DYRK1B: variants seen among roughly 807,000 people sequenced by gnomAD.
DYRK1B encodes dual specificity tyrosine phosphorylation regulated kinase 1B.
DYRK1B carries 20 observed loss-of-function variants against 57.1 expected under a neutral mutation model. That is an observed-to-expected ratio of 0.35 (90% CI 0.25 to 0.51). The LOEUF (loss-of-function observed/expected upper bound fraction) is 0.51, where lower values mean the gene tolerates loss of function less well. DYRK1B is among the 20% of genes least tolerant of loss of function. The pLI is 0.96. For missense variants in DYRK1B, 732 were observed against 886.3 expected, an observed-to-expected ratio of 0.83 and a Z score of 2.21; for synonymous variants, 409 against 384.7, an observed-to-expected ratio of 1.06 and a Z score of -0.74.
chr19:39,827,059 AC>A, intron 8 of DYRK1B, 72 bp from the exon 9 acceptor site: 1 of 1,279,150 alleles, frequency 7.8e-7, no homozygotes, highest in Non-Finnish European at 1.0e-6. Context: ...GGAGACACAC[AC>A]GGGGAAACAG....
intron 1 of DYRK1B, chr19:39,833,776 C>T (rs1251561805): frequency 6.6e-6 from 1 of 152,336 alleles, no homozygotes; most frequent in Non-Finnish European, 1.5e-5. Context: ...GAGCTGAGCC[C>T]AAACAAAGGG....
intron 4 of DYRK1B, 124 bp downstream of exon 4, chr19:39,830,251 G>C (rs150538930): frequency 7.6e-7 from 1 of 1,317,992 alleles, no homozygotes; most frequent in African/African-American, 1.5e-5. Flanking sequence ...AGGCGACTGA[G>C]GCACAGGGAA....
At chr19:39,827,450 C>A in intron 7 of DYRK1B, 25 bp from the exon 8 acceptor site, 4 of 1,609,326 alleles carry the variant, frequency 2.5e-6, no homozygotes, top group Non-Finnish European at 3.4e-6. Context: ...GGGTCAAGGT[C>A]ATCAGGCCAG....
intron 6 of DYRK1B, among the ~76,000 whole-genome samples, 157 bp from the exon 7 acceptor site, chr19:39,827,813 C>A (rs1328000298): frequency 1.3e-5 from 2 of 152,178 alleles, no homozygotes; most frequent in African/African-American, 2.4e-5. Flanking sequence ...TTTCTGGGAG[C>A]CACTGGTGCC....
At position 39,825,947 on chromosome 19, in the gene DYRK1B, G is replaced by A. The variant is rs768152943; in HGVS notation, c.1658C>T (p.Pro553Leu). 1 of 1,533,170 alleles carries A rather than the reference G, an allele frequency of 6.5e-7. No homozygotes were observed. The highest frequency in any genetic ancestry group is 1.4e-5 in the African/African-American group (1 of 72,374). 95.0% of individuals were successfully genotyped at this position (1,533,170 alleles called of 1,614,324 possible). A position where few individuals can be genotyped will look rare whatever the true frequency, so the allele number is the denominator to read the frequency against. ...CGGGGGTGGTGGTGAGGTTGGTGAT[G>A]GGGGACGACCAAGGTATCGGGGCTG... ...PPQPRYLGRPPSPTSPPPPEL... is the reference protein window; with the variant it reads ...PPQPRYLGRPLSPTSPPPPEL... The change falls in exon 11 of 11, where the codon CCA (proline) becomes CTA (leucine). Residue 553 changes from proline to leucine, a missense_variant. Pro to Leu is a moderately conservative substitution (Grantham distance 98). Around this residue, in one of 2 missense-constraint regions of DYRK1B, gnomAD observed 222 missense variants for 205.0 expected, o/e 1.08. Coordinates refer to ENST00000323039, the MANE Select transcript of DYRK1B (RefSeq NM_004714.3).
Position 39,828,663 on chromosome 19 carries a change from C to CT in DYRK1B, c.521-81dup, listed in dbSNP as rs1968659194. On this transcript the variant is annotated intron_variant, in intron 5 of 10. Coordinates refer to ENST00000323039, the MANE Select transcript of DYRK1B (RefSeq NM_004714.3). This position sits in a 1 kb window ranked among gnomAD's most constrained non-coding sequence, Gnocchi z 4.3. ...TGGTGGCCTGGGGTCATACAACGCT[C>CT]TTTGATTACTAGCCACATTGTGCTG... is the stretch of plus-strand genomic sequence containing the variant. The CT allele has an allele frequency of 7.0e-7, 1 of 1,419,602 alleles. No homozygotes were observed. 87.9% of individuals were successfully genotyped at this position (1,419,602 alleles called of 1,614,324 possible).
At chr19:39,832,098 G>A (rs537545225) in intron 1 of DYRK1B, 130 bp from the exon 2 acceptor site, 4 of 1,040,962 alleles carry the variant, frequency 3.8e-6, no homozygotes, top group Non-Finnish European at 5.1e-6. Context: ...CGGAGCAGCA[G>A]ATAGCAATGA....
In DYRK1B at chr19:39,829,861, T is replaced by C. The variant is rs757258106; in HGVS notation, c.520+19A>G. The C allele has an allele frequency of 1.1e-5, 17 of 1,610,604 alleles. No homozygotes were observed. In the East Asian group the frequency reaches 3.8e-4, roughly 36 times the overall value. On this transcript the variant is annotated intron_variant, in intron 5 of 10. Coordinates refer to ENST00000323039, the MANE Select transcript of DYRK1B (RefSeq NM_004714.3). ...CCGCTATCCCAGGTGCCCACAGCCC[T>C]GCCAGTCCCAGGCCTCACCTATATA...
At chr19:39,831,738 C>A in intron 2 of DYRK1B, 67 bp downstream of exon 2, 1 of 1,541,492 alleles carries the variant, frequency 6.5e-7, no homozygotes. Flanking sequence ...ACCTTTTGGT[C>A]TGGAGACCTT....
In DYRK1B at chr19:39,831,871, G is replaced by A. The variant is rs528395859; in HGVS notation, c.-4C>T. ...CATGGCCCGGTGGGACGGCCATGGT[G>A]GGCTCAGAGGGCCGCAGGGGAGCGA... On this transcript the variant is annotated 5_prime_UTR_variant, in exon 2 of 11. Coordinates refer to ENST00000323039, the MANE Select transcript of DYRK1B (RefSeq NM_004714.3). 2.7e-6 allele frequency: 4 copies of A among 1,494,502 alleles called. No individual in the cohort carries two copies. The East Asian group carries it at 7.7e-5, about 29-fold the overall frequency. 92.6% of individuals were successfully genotyped at this position (1,494,502 alleles called of 1,614,324 possible). A position where few individuals can be genotyped will look rare whatever the true frequency, so the allele number is the denominator to read the frequency against.
rs1292833847 is a variant in DYRK1B at position 39,827,433 on chromosome 19, C to G, written c.955-8G>C. ...GCGGTTCATCTGGTCGACCTGTGAG[C>G]AGGCAGGGGTCAAGGTCATCAGGCC... On this transcript the variant is annotated splice_polypyrimidine_tract_variant and splice_region_variant and intron_variant, in intron 7 of 10. Coordinates refer to ENST00000323039, the MANE Select transcript of DYRK1B (RefSeq NM_004714.3). 1 of 1,610,884 alleles carries G rather than the reference C, an allele frequency of 6.2e-7. No individual in the cohort carries two copies. Among genetic ancestry groups the G allele is most frequent in the South Asian group, 1.1e-5 (1 of 90,990 alleles).
chr19:39,825,506 AGGGG>A lies in DYRK1B; in HGVS notation c.*205_*208del. The A allele has an allele frequency of 1.0e-5, 6 of 575,030 alleles. No homozygotes were observed. Among genetic ancestry groups the A allele is most frequent in the Middle Eastern group, 4.6e-4 (1 of 2,160 alleles). 35.6% of individuals were successfully genotyped at this position (575,030 alleles called of 1,614,324 possible). ...ACAATAAATAGAAAAAAAGGGGGAGAGGGGCCCAAGGGTCCAGTCCTTAGTGGGG... is the reference window on the plus strand; with the variant it reads ...ACAATAAATAGAAAAAAAGGGGGAGACCCAAGGGTCCAGTCCTTAGTGGGG... On this transcript the variant is annotated 3_prime_UTR_variant, in exon 11 of 11. Transcript: ENST00000323039.
Position 39,830,149 on chromosome 19 carries a change from G to A in DYRK1B, c.373-122C>T, listed in dbSNP as rs1013524397. On this transcript the variant is annotated intron_variant, in intron 4 of 10. Transcript: ENST00000323039. ...CTATGCATACTTCGCAGCTGAGTGC[G>A]CACCATTAGTCAGGCGCTGGTGTAA... 1.9e-5 allele frequency: 25 copies of A among 1,303,326 alleles called. No individual in the cohort carries two copies. In the Admixed American group the frequency reaches 3.2e-4, roughly 17 times the overall value. The allele number at this position is 1,303,326 out of a possible 1,614,324, so 80.7% of individuals were successfully genotyped here.
At position 39,828,475 on chromosome 19, in the gene DYRK1B, G is replaced by C. The variant is rs1410649327; in HGVS notation, c.629C>G (p.Ser210Trp). Reference sequence around the variant, plus strand: ...CGCCAGCTTCCGGGTCAGGTTCAGCGAGACGCCGCGGAAGTGGGTGTTGCG... The same window carrying C: ...CGCCAGCTTCCGGGTCAGGTTCAGCCAGACGCCGCGGAAGTGGGTGTTGCG... ...LLRNTHFRGVSLNLTRKLAQQ... is the reference protein window; with the variant it reads ...LLRNTHFRGVWLNLTRKLAQQ... The change falls in exon 6 of 11, where the codon TCG (serine) becomes TGG (tryptophan). Residue 210 changes from serine (S) to tryptophan (W), a missense_variant. Physicochemically the swap from Ser to Trp is radical, Grantham distance 177. Transcript: ENST00000323039. This position sits in a 1 kb window ranked among gnomAD's most constrained non-coding sequence, Gnocchi z 4.3. 2 of 1,613,588 alleles carry C rather than the reference G, an allele frequency of 1.2e-6. No homozygotes were observed. Among genetic ancestry groups the C allele is most frequent in the Non-Finnish European group, 1.7e-6 (2 of 1,179,854 alleles).
rs1422483482 is a variant in DYRK1B at position 39,827,393 on chromosome 19, C to G, written c.987G>C (p.Leu329=). The stretch of plus-strand genomic sequence containing the variant: ...CCAGCATGGCGGCCGGTGGGATGCC[C>G]AGCACCTCCACAATGCGGTTCATCT... ...VDQMNRIVEV[L]GIPPAAMLDQ... Residue 329 remains leucine, a synonymous_variant, in exon 8 of 11, where the codon CTG becomes CTC. Transcript: ENST00000323039. 2 of 1,613,616 alleles carry G rather than the reference C, an allele frequency of 1.2e-6. No individual in the cohort carries two copies. The highest frequency in any genetic ancestry group is 1.3e-5 in the African/African-American group (1 of 74,890).
In DYRK1B at chr19:39,829,969, T is replaced by C. The variant is rs1599644039; in HGVS notation, c.431A>G (p.Asn144Ser). Reference sequence around the variant, plus strand: ...GGCCTGGTTCAGGAAAGCCTTTTTGTTCTTGATGATCTTGATGGCCACAAG... The same window carrying C: ...GGCCTGGTTCAGGAAAGCCTTTTTGCTCTTGATGATCTTGATGGCCACAAG... ...QELVAIKIIK[N>S]KKAFLNQAQI... The change falls in exon 5 of 11, where the codon AAC becomes AGC. Residue 144 changes from asparagine (N) to serine (S), a missense_variant. Around this residue, in one of 2 missense-constraint regions of DYRK1B, gnomAD observed 510 missense variants for 681.3 expected, o/e 0.75. Transcript: ENST00000323039. 1 of 1,614,118 alleles carries C rather than the reference T, an allele frequency of 6.2e-7. No homozygotes were observed.
rs576584969 is a variant in DYRK1B at position 39,830,657 on chromosome 19, T to C, written c.183+7A>G. 7 of 1,613,502 alleles carry C rather than the reference T, an allele frequency of 4.3e-6. No individual in the cohort carries two copies. The highest frequency in any genetic ancestry group is 2.2e-5 in the East Asian group (1 of 44,862). Reference sequence around the variant, plus strand: ...ACCCAGCCCAGGATCCCCCAGCCCCTGCCCACCTCATTGATGTGCTTGTAG... The same window carrying C: ...ACCCAGCCCAGGATCCCCCAGCCCCCGCCCACCTCATTGATGTGCTTGTAG... On this transcript the variant is annotated splice_region_variant and intron_variant, in intron 3 of 10. Coordinates refer to ENST00000323039, the MANE Select transcript of DYRK1B (RefSeq NM_004714.3).
At chr19:39,832,988 C>G in intron 1 of DYRK1B, 1 of 985,298 alleles carries the variant, frequency 1.0e-6, no homozygotes, top group Non-Finnish European at 1.2e-6. Context: ...CCAGGCACCC[C>G]TCTTTATACC....
chr19:39,826,914 C>T lies in DYRK1B; in HGVS notation c.1169G>A (p.Arg390Gln). 2.8e-6 allele frequency: 4 copies of T among 1,417,206 alleles called. No individual in the cohort carries two copies. Among genetic ancestry groups the T allele is most frequent in the Middle Eastern group, 2.1e-4 (1 of 4,686 alleles). 87.8% of individuals were successfully genotyped at this position (1,417,206 alleles called of 1,614,324 possible). ...GGGGCTGTGGCCCGGCTCCCCCGCC[C>T]GCCGGCCCCCGGGCCCGCCCGTCTG... is the stretch of plus-strand genomic sequence containing the variant. ...GVQTGGPGGR[R>Q]AGEPGHSPAD... is the part of the protein sequence containing the mutation. Residue 390 changes from arginine (R) to glutamine (Q), a missense_variant, in exon 9 of 11, where the codon CGG (arginine) becomes CAG (glutamine). Transcript: ENST00000323039. The surrounding 1 kb of genome is among the most constrained non-coding windows in gnomAD (Gnocchi z 6.3).
Sources: gnomAD v4.1 joint callset for allele counts (sites outside exome capture counted in the v4.1 genomes callset) on GRCh38, gnomAD v4.1.1 for gene constraint, gnomAD v4.1.1 regional missense constraint, Gnocchi (gnomAD v3.1) non-coding constraint, MANE v1.5 for transcripts, NCBI Gene and HGNC (gene_info 2026-07-23, HGNC 2026-07-21) for gene names.